TMEM272: variants seen among roughly 807,000 people sequenced by gnomAD.
TMEM272 encodes long intergenic non-protein coding RNA 282.
A neutral mutation model predicts 3.7 loss-of-function variants in TMEM272; 8 were observed. That is an observed-to-expected ratio of 2.17 (90% CI 1.27 to 3.91). The LOEUF (loss-of-function observed/expected upper bound fraction) is 3.91. Among genes scored for constraint, TMEM272 ranks in the 30% most tolerant of loss-of-function variants. The probability of loss-of-function intolerance (pLI) is 0.00; values close to 1 mark genes in which losing one functional copy is unlikely to be tolerated. For synonymous variants in TMEM272, 63 were observed against 39.8 expected, an observed-to-expected ratio of 1.58 and a Z score of -2.20; for missense variants, 166 against 91.5, an observed-to-expected ratio of 1.81 and a Z score of -3.32.
the TMEM272 span, among the ~76,000 whole-genome samples, chr13:51,897,396 T>G: frequency 7.4e-6 from 1 of 134,814 alleles, no homozygotes; most frequent in Non-Finnish European, 1.6e-5. Flanking sequence ...TTTTTTTTTG[T>G]AGAGATGGAG....
chr13:51,891,784 T>C, the TMEM272 span, among the ~76,000 whole-genome samples: 1 of 152,096 alleles, frequency 6.6e-6, no homozygotes, highest in Non-Finnish European at 1.5e-5. Flanking sequence ...TAGCTTCTAG[T>C]CCTGAGTATT....
At chr13:51,896,352 G>T in the TMEM272 span, among the ~76,000 whole-genome samples, 1 of 152,236 alleles carries the variant, frequency 6.6e-6, no homozygotes, top group Non-Finnish European at 1.5e-5. Flanking sequence ...AGAAACACGT[G>T]TGTGTAACAC....
chr13:51,869,534 G>C, the TMEM272 span, among the ~76,000 whole-genome samples: 12 of 147,758 alleles, frequency 8.1e-5, no homozygotes, highest in African/African-American at 2.7e-4. Context: ...CTGTCGCCCA[G>C]GCTGGAGTGC....
chr13:51,874,761 GT>G, the TMEM272 span, among the ~76,000 whole-genome samples: 7 of 152,182 alleles, frequency 4.6e-5, no homozygotes, highest in Admixed American at 1.3e-4. Context: ...TTCAACACTT[GT>G]TTTCCTATTT....
intron 1 of TMEM272, among the ~76,000 whole-genome samples, chr13:51,840,941 T>G (rs189157525): frequency 6.6e-6 from 1 of 152,234 alleles, no homozygotes. Context: ...CCAATGGGGT[T>G]TGCCAGGTGC....
At chr13:51,854,125 G>T in the TMEM272 span, among the ~76,000 whole-genome samples, 92 of 152,284 alleles carry the variant, frequency 6.0e-4, 1 homozygote, top group East Asian at 0.017. Context: ...GGCAGGGGGA[G>T]AAAGTATATC....
chr13:51,910,424 A>C, the TMEM272 span: 4 of 964,330 alleles, frequency 4.1e-6, no homozygotes, highest in Admixed American at 1.7e-5. Flanking sequence ...GCCGACTCCT[A>C]ACCGATCTAA....
the TMEM272 span, among the ~76,000 whole-genome samples, chr13:51,931,719 G>A: frequency 6.6e-6 from 1 of 152,096 alleles, no homozygotes; most frequent in East Asian, 1.9e-4. Flanking sequence ...TTTTCACAAT[G>A]GGACATGCAC....
the TMEM272 span, among the ~76,000 whole-genome samples, chr13:51,926,521 G>A: frequency 6.7e-6 from 1 of 150,044 alleles, no homozygotes; most frequent in African/African-American, 2.5e-5. Context: ...GAAAGCCCTG[G>A]AGCATTAGAG....
chr13:51,923,065 C>G, the TMEM272 span, among the ~76,000 whole-genome samples: 1 of 152,194 alleles, frequency 6.6e-6, no homozygotes, highest in Non-Finnish European at 1.5e-5. Context: ...GTGCTGGAGG[C>G]ATGGAGTGGG....
At chr13:51,929,851 C>A in the TMEM272 span, among the ~76,000 whole-genome samples, 5 of 152,248 alleles carry the variant, frequency 3.3e-5, no homozygotes, top group Non-Finnish European at 7.3e-5. Context: ...AGTGACAGAA[C>A]CTGCCCAGGC....
intron 1 of TMEM272, among the ~76,000 whole-genome samples, chr13:51,843,775 G>A (rs1175771743): frequency 6.6e-6 from 1 of 152,216 alleles, no homozygotes; most frequent in Non-Finnish European, 1.5e-5. Flanking sequence ...ACCTAGAAGG[G>A]CAGTGATAAT....
the TMEM272 span, among the ~76,000 whole-genome samples, chr13:51,916,354 A>C: frequency 6.6e-6 from 1 of 152,164 alleles, no homozygotes; most frequent in Non-Finnish European, 1.5e-5. Flanking sequence ...TTTCTCCATG[A>C]AACAGCAGGA....
chr13:51,891,611 C>A, the TMEM272 span, among the ~76,000 whole-genome samples: 59 of 152,318 alleles, frequency 3.9e-4, no homozygotes, highest in African/African-American at 1.4e-3. Context: ...TGAAGCACAG[C>A]ACCTTCACTT....
chr13:51,838,399 A>T (rs1956233699), intron 2 of TMEM272, 74 bp downstream of exon 2: 8 of 702,794 alleles, frequency 1.1e-5, no homozygotes, highest in Non-Finnish European at 2.1e-5. Flanking sequence ...GATCCACTCC[A>T]GCTTTAGCTC....
At chr13:51,843,272 G>T (rs1434037442) in intron 1 of TMEM272, among the ~76,000 whole-genome samples, 2 of 152,174 alleles carry the variant, frequency 1.3e-5, no homozygotes, top group Non-Finnish European at 2.9e-5. Context: ...GCTGCAATTT[G>T]AGAAAATAGC....
chr13:51,924,394 C>A, the TMEM272 span, among the ~76,000 whole-genome samples: 4 of 152,114 alleles, frequency 2.6e-5, no homozygotes, highest in African/African-American at 9.7e-5. Flanking sequence ...TTCTCTAAAA[C>A]AAAAACAAAC....
the TMEM272 span, among the ~76,000 whole-genome samples, chr13:51,925,070 G>C: frequency 6.6e-6 from 1 of 152,146 alleles, no homozygotes; most frequent in Admixed American, 6.5e-5. Flanking sequence ...AGCCTTCCTG[G>C]CATTACTAGA....
At chr13:51,919,622 T>G in the TMEM272 span, among the ~76,000 whole-genome samples, 1 of 152,250 alleles carries the variant, frequency 6.6e-6, no homozygotes, top group Non-Finnish European at 1.5e-5. Context: ...CAGATCCTGT[T>G]GGTTCATTCT....
Sources: allele counts gnomAD v4.1 joint callset (sites outside exome capture counted in the v4.1 genomes callset), GRCh38; gene constraint gnomAD v4.1.1; transcripts MANE v1.5; gene names NCBI Gene and HGNC (gene_info 2026-07-23, HGNC 2026-07-21).